MRPL34: variants seen among roughly 807,000 people sequenced by gnomAD.
MRPL34 encodes the protein mitochondrial ribosomal protein L34.
MRPL34 carries 8 observed loss-of-function variants against 6.7 expected under a neutral mutation model. The ratio of observed to expected loss-of-function variants is 1.20; its 90% CI spans 0.70 to 2.16. The LOEUF (loss-of-function observed/expected upper bound fraction) is 2.16, where lower values mean the gene tolerates loss of function less well. Among genes scored for constraint, MRPL34 ranks in the 30% most tolerant of loss-of-function variants. The pLI is 0.00. For missense variants in MRPL34, 146 were observed against 125.5 expected (o/e 1.16, Z -0.78); for synonymous variants, 59 against 55.1 (o/e 1.07, Z -0.31).
At chr19:17,294,387 G>T in intron 1 of MRPL34, 1 of 1,613,964 alleles carries the variant, frequency 6.2e-7, no homozygotes, top group Non-Finnish European at 8.5e-7. Flanking sequence ...AGACCTCGTC[G>T]CCCTCGGGCC....
At position 17,306,584 on chromosome 19, in the gene MRPL34, G is replaced by C. The variant is rs2074150326; in HGVS notation, c.*205G>C. 1.8e-6 allele frequency: 1 copy of C among 545,804 alleles called. No individual in the cohort carries two copies. Among genetic ancestry groups the C allele is most frequent in the Non-Finnish European group, 3.2e-6 (1 of 310,772 alleles). The allele number at this position is 545,804 out of a possible 1,614,324, so 33.8% of individuals were successfully genotyped here. ...GGAAGCATTTCGAACCTGCGCAACA[G>C]ACCAAAGAACAGTACAAAGAACATC... is the stretch of plus-strand genomic sequence containing the variant. On this transcript the variant is annotated 3_prime_UTR_variant, in exon 2 of 2. Transcript: ENST00000252602.
At chr19:17,302,565 C>A (rs1191820013), upstream of MRPL34, among the ~76,000 whole-genome samples, 1 of 152,166 alleles carries the variant, frequency 6.6e-6, no homozygotes, top group Admixed American at 6.5e-5. Flanking sequence ...CCACAGAAAG[C>A]CTTGCTCAGC....
At chr19:17,294,563 C>T (rs531189672) in intron 1 of MRPL34, 82 of 1,609,172 alleles carry the variant, frequency 5.1e-5, no homozygotes, top group Non-Finnish European at 6.9e-5. Context: ...CCGTGGGGTG[C>T]CCCCGATGCC....
chr19:17,298,198 G>GT (rs2074102149), upstream of MRPL34: 1 of 152,252 alleles, frequency 6.6e-6, no homozygotes, highest in Non-Finnish European at 1.5e-5. Context: ...GATTACAGGT[G>GT]TGAGCCACCA....
At chr19:17,302,383 G>A (rs1308920684), upstream of MRPL34, among the ~76,000 whole-genome samples, 1 of 150,352 alleles carries the variant, frequency 6.7e-6, no homozygotes, top group Non-Finnish European at 1.5e-5. Context: ...ATTCATTCAG[G>A]TATACACTAA....
At chr19:17,301,966 G>T (rs1408963970), upstream of MRPL34, among the ~76,000 whole-genome samples, 1 of 152,056 alleles carries the variant, frequency 6.6e-6, no homozygotes, top group Non-Finnish European at 1.5e-5. Context: ...GCTAATTTTT[G>T]TATTTTTTGT....
exon 1 of MRPL34, chr19:17,292,640 G>C: frequency 6.3e-7 from 1 of 1,596,428 alleles, no homozygotes; most frequent in South Asian, 1.1e-5. Context: ...CTCACCAAGC[G>C]ATGCCCCGCC....
chr19:17,297,917 C>CT (rs11299354), upstream of MRPL34: 22,003 of 135,802 alleles, frequency 0.16, 2,191 homozygotes, highest in East Asian at 0.29. Context: ...TTTCTTTTTT[C>CT]TTTTTTTTTT....
At chr19:17,301,756 C>T (rs2074120381), upstream of MRPL34, 3 of 1,078,602 alleles carry the variant, frequency 2.8e-6, no homozygotes, top group Non-Finnish European at 3.7e-6. Context: ...AAGTGAGCCA[C>T]GGCACTGAGA....
At chr19:17,302,248 T>C (rs2074123843), upstream of MRPL34, 1 of 152,520 alleles carries the variant, frequency 6.6e-6, no homozygotes, top group African/African-American at 2.4e-5. Context: ...GAAGGGGACA[T>C]TGTGGCAAAT....
chr19:17,297,285 TG>T (rs2074097496), intron 1 of MRPL34, among the ~76,000 whole-genome samples: 1 of 151,966 alleles, frequency 6.6e-6, no homozygotes, highest in Admixed American at 6.6e-5. Context: ...TGTAGGTGGG[TG>T]TTTTTTTTGT....
intron 1 of MRPL34, chr19:17,292,977 A>AG (rs2074077669): frequency 1.1e-6 from 1 of 898,028 alleles, no homozygotes; most frequent in Admixed American, 3.2e-5. Context: ...CTTCCACTCA[A>AG]GGGGGAGCTG....
At chr19:17,304,611 T>A (rs773629245), upstream of MRPL34, among the ~76,000 whole-genome samples, 7 of 152,150 alleles carry the variant, frequency 4.6e-5, no homozygotes, top group Non-Finnish European at 8.8e-5. Context: ...TAAGGGCACT[T>A]CTGGGAGACT....
intron 1 of MRPL34, among the ~76,000 whole-genome samples, chr19:17,293,118 C>CA (rs2074078439): frequency 7.4e-6 from 1 of 134,874 alleles, no homozygotes; most frequent in Non-Finnish European, 1.6e-5. Context: ...TTTTTTGAGA[C>CA]AGAGTCTTGC....
At position 17,292,625 on chromosome 19, in the gene MRPL34, C is replaced by T. The variant is rs141110800; in HGVS notation, c.-16C>T. On this transcript the variant is annotated 5_prime_UTR_variant, in exon 1 of 3. Coordinates refer to the MRPL34 transcript ENST00000595444. ...AGGCTCGGGCCTCCTCCTGCTGCGG[C>T]TGTGCTCACCAAGCGATGCCCCGCC... is the stretch of plus-strand genomic sequence containing the variant. The T allele has an allele frequency of 1.5e-5, 23 of 1,578,162 alleles. No homozygotes were observed. In the African/African-American group the frequency reaches 2.7e-4, roughly 18 times the overall value.
rs1353469371 is a variant in MRPL34 at position 17,306,539 on chromosome 19, C to CT, written c.*165dup. 1.3e-4 allele frequency: 82 copies of CT among 625,408 alleles called. No individual in the cohort carries two copies. The East Asian group carries it at 2.3e-3, about 18-fold the overall frequency. 38.7% of individuals were successfully genotyped at this position (625,408 alleles called of 1,614,324 possible). A position where few individuals can be genotyped will look rare whatever the true frequency, so the allele number is the denominator to read the frequency against. On this transcript the variant is annotated 3_prime_UTR_variant, in exon 2 of 2. Transcript: ENST00000252602. The stretch of plus-strand genomic sequence containing the variant: ...GTCTGGATGGGAGCTTGCCAAGTCC[C>CT]TTTTTAGGCTTTTTAATTAGGAAGC...
chr19:17,304,387 A>G (rs1279060677), upstream of MRPL34, among the ~76,000 whole-genome samples: 1 of 152,240 alleles, frequency 6.6e-6, no homozygotes, highest in African/African-American at 2.4e-5. Flanking sequence ...TAAGTTTGCT[A>G]CGCAGGTAAA....
chr19:17,299,906 T>C (rs1038978679), upstream of MRPL34, among the ~76,000 whole-genome samples: 20 of 99,220 alleles, frequency 2.0e-4, no homozygotes, highest in Non-Finnish European at 4.1e-4. Flanking sequence ...GGTGGCCCCT[T>C]TTTTTTTTTT....
At chr19:17,297,365 G>A (rs549446596) in intron 1 of MRPL34, among the ~76,000 whole-genome samples, 3 of 151,950 alleles carry the variant, frequency 2.0e-5, no homozygotes, top group East Asian at 1.9e-4. Flanking sequence ...GTGCGATCTC[G>A]GCTCACTGCA....
Sources: gnomAD v4.1 joint callset for allele counts (sites outside exome capture counted in the v4.1 genomes callset) on GRCh38, gnomAD v4.1.1 for gene constraint, MANE v1.5 for transcripts, NCBI Gene and HGNC (gene_info 2026-07-23, HGNC 2026-07-21) for gene names.